ZMAT4: variants seen among roughly 807,000 people sequenced by gnomAD.
The protein encoded by ZMAT4 is zinc finger matrin-type 4.
ZMAT4 carries 17 observed loss-of-function variants against 28.7 expected under a neutral mutation model. The ratio of observed to expected loss-of-function variants is 0.59; its 90% CI spans 0.41 to 0.89. The LOEUF is 0.89. Among genes scored for constraint, ZMAT4 ranks in the 40% least tolerant of loss-of-function variants. The pLI is 0.00. For synonymous variants in ZMAT4, 117 were observed against 109.2 expected (o/e 1.07, Z -0.44); for missense variants, 240 against 283.8 (o/e 0.85, Z 1.11).
chr8:40,624,414 A>G (rs1806301397), intron 5 of ZMAT4, among the ~76,000 whole-genome samples: 1 of 152,204 alleles, frequency 6.6e-6, no homozygotes, highest in Non-Finnish European at 1.5e-5. Flanking sequence ...GACCGTCAGA[A>G]AATAAAGATC....
intron 5 of ZMAT4, among the ~76,000 whole-genome samples, chr8:40,627,494 GTGGA>G (rs1806419355): frequency 6.6e-6 from 1 of 152,058 alleles, no homozygotes; most frequent in Non-Finnish European, 1.5e-5. Flanking sequence ...TACTGTCTTT[GTGGA>G]TGAAGAAAAT....
intron 5 of ZMAT4, among the ~76,000 whole-genome samples, chr8:40,653,105 T>C (rs946692242): frequency 6.6e-6 from 1 of 151,428 alleles, no homozygotes; most frequent in African/African-American, 2.4e-5. Context: ...AAAAGAAATT[T>C]GAGAAATCCA....
intron 1 of ZMAT4, among the ~76,000 whole-genome samples, chr8:40,877,558 C>G (rs1163366948): frequency 2.0e-5 from 3 of 152,174 alleles, no homozygotes; most frequent in African/African-American, 7.2e-5. Context: ...TTGTTCTCCA[C>G]TGTTGAAAAG....
chr8:40,545,497 T>C (rs1460688399), intron 6 of ZMAT4, among the ~76,000 whole-genome samples: 2 of 152,144 alleles, frequency 1.3e-5, no homozygotes, highest in African/African-American at 4.8e-5. Context: ...AAATAATCAT[T>C]GTAGATATAA....
chr8:40,555,053 A>C (rs959886068), intron 6 of ZMAT4, among the ~76,000 whole-genome samples: 1 of 152,134 alleles, frequency 6.6e-6, no homozygotes, highest in Admixed American at 6.6e-5. Context: ...TACCTCCTAC[A>C]CATGAGTGAG....
At chr8:40,823,961 A>T (rs905628102) in intron 2 of ZMAT4, among the ~76,000 whole-genome samples, 1 of 152,206 alleles carries the variant, frequency 6.6e-6, no homozygotes, top group Non-Finnish European at 1.5e-5. Flanking sequence ...TGCATATTTG[A>T]TAGACTTCAC....
chr8:40,650,076 A>C (rs920055726), intron 5 of ZMAT4, among the ~76,000 whole-genome samples: 4 of 152,186 alleles, frequency 2.6e-5, no homozygotes, highest in Admixed American at 6.5e-5. Context: ...AACTAAAATC[A>C]GAGCAGAACT....
intron 2 of ZMAT4, among the ~76,000 whole-genome samples, chr8:40,816,870 G>T (rs931067039): frequency 2.6e-5 from 4 of 152,090 alleles, no homozygotes; most frequent in African/African-American, 9.7e-5. Context: ...CATAAATTTG[G>T]GACATAGAGA....
At chr8:40,710,612 T>C (rs1231009753) in intron 3 of ZMAT4, among the ~76,000 whole-genome samples, 1 of 151,268 alleles carries the variant, frequency 6.6e-6, no homozygotes, top group Non-Finnish European at 1.5e-5. Context: ...ACCCAGCCTT[T>C]TGTGGGGGGA....
chr8:40,764,616 G>A (rs1193829123), intron 3 of ZMAT4, among the ~76,000 whole-genome samples: 1 of 152,122 alleles, frequency 6.6e-6, no homozygotes, highest in Non-Finnish European at 1.5e-5. Context: ...TTAACACTGG[G>A]ATGCAAACCT....
chr8:40,608,622 T>C (rs1731118214), intron 5 of ZMAT4, among the ~76,000 whole-genome samples: 1 of 152,184 alleles, frequency 6.6e-6, no homozygotes, highest in African/African-American at 2.4e-5. Flanking sequence ...TCAGTCAGAA[T>C]TGTTACAGAG....
chr8:40,741,446 C>CAAAA (rs34475226), intron 3 of ZMAT4, among the ~76,000 whole-genome samples: 1 of 118,426 alleles, frequency 8.4e-6, no homozygotes, highest in Non-Finnish European at 1.9e-5. Context: ...AAGTCTGTCT[C>CAAAA]AAAAAAAAAA....
At chr8:40,691,126 T>C (rs1226822739) in intron 4 of ZMAT4, among the ~76,000 whole-genome samples, 1 of 152,104 alleles carries the variant, frequency 6.6e-6, no homozygotes. Flanking sequence ...GGTTACAAGG[T>C]TTTGATCAAT....
At chr8:40,594,197 C>G (rs1173459849) in intron 5 of ZMAT4, among the ~76,000 whole-genome samples, 1 of 152,150 alleles carries the variant, frequency 6.6e-6, no homozygotes, top group African/African-American at 2.4e-5. Context: ...TTTCGTGGGA[C>G]ACATGACGGG....
intron 2 of ZMAT4, among the ~76,000 whole-genome samples, chr8:40,821,142 T>A (rs1391016935): frequency 6.6e-6 from 1 of 152,064 alleles, no homozygotes; most frequent in Non-Finnish European, 1.5e-5. Context: ...CTTTCTGCCC[T>A]GTACTTTTTT....
At chr8:40,854,736 GC>G (rs746702687) in intron 1 of ZMAT4, among the ~76,000 whole-genome samples, 12 of 152,136 alleles carry the variant, frequency 7.9e-5, no homozygotes, top group Non-Finnish European at 1.8e-4. Flanking sequence ...GAGGACAGGT[GC>G]ACACAGCTCC....
At chr8:40,837,014 T>C (rs911922009) in intron 1 of ZMAT4, among the ~76,000 whole-genome samples, 1 of 152,222 alleles carries the variant, frequency 6.6e-6, no homozygotes, top group African/African-American at 2.4e-5. Context: ...GCTGGATAGA[T>C]ACCATGTACA....
At chr8:40,835,028 G>A (rs375384699) in intron 1 of ZMAT4, among the ~76,000 whole-genome samples, 9 of 152,218 alleles carry the variant, frequency 5.9e-5, no homozygotes, top group South Asian at 2.1e-4. Flanking sequence ...CAGGGAAAGC[G>A]TGGATGTTTT....
intron 3 of ZMAT4, among the ~76,000 whole-genome samples, chr8:40,736,240 A>G (rs1811755682): frequency 1.3e-5 from 2 of 152,328 alleles, no homozygotes; most frequent in South Asian, 4.1e-4. Context: ...AAAAATGATG[A>G]CAACTCCTCT....
Sources: allele counts gnomAD v4.1 joint callset (sites outside exome capture counted in the v4.1 genomes callset), GRCh38; gene constraint gnomAD v4.1.1; transcripts MANE v1.5; gene names NCBI Gene and HGNC (gene_info 2026-07-23, HGNC 2026-07-21).